Variants in GCNT2 observed in about 807,000 individuals in gnomAD.
GCNT2 encodes glucosaminyl (N-acetyl) transferase 2 (I blood group).
A neutral mutation model predicts 34.2 loss-of-function variants in GCNT2; 34 were observed. That is an observed-to-expected ratio of 1.00 (90% CI 0.76 to 1.32). The LOEUF (loss-of-function observed/expected upper bound fraction) is 1.32, where lower values mean the gene tolerates loss of function less well. Among genes scored for constraint, GCNT2 ranks in the 40% most tolerant of loss-of-function variants. The pLI is 0.00. For synonymous variants in GCNT2, 212 were observed against 188.0 expected (o/e 1.13, Z -1.04); for missense variants, 584 against 489.4 (o/e 1.19, Z -1.82).
In GCNT2 at chr6:10,594,803, A is replaced by G. The variant is rs143813454; in HGVS notation, c.926-26548A>G. 2.3e-3 allele frequency among the ~76,000 whole-genome samples: 351 copies of G among 152,284 alleles called. 4 individuals are homozygous for G. Among genetic ancestry groups the G allele is most frequent in the African/African-American group, 7.7e-3 (319 of 41,566 alleles). On this transcript the variant is annotated intron_variant, in intron 3 of 4. Coordinates refer to ENST00000495262, the MANE Select transcript of GCNT2 (RefSeq NM_145649.5). ...GATGTAGATGTACCCAAAGATGGAT[A>G]GGAGGAAATGTGTAAAGTAAATTGA...
chr6:10,617,747 C>A (rs551791335), intron 3 of GCNT2, among the ~76,000 whole-genome samples: 10 of 114,296 alleles, frequency 8.7e-5, no homozygotes, highest in African/African-American at 4.2e-4. Context: ...GTCTGCATTT[C>A]TTCTTTTTTT....
intron 3 of GCNT2, chr6:10,586,591 G>T (rs776266980): frequency 5.0e-6 from 8 of 1,613,942 alleles, no homozygotes; most frequent in Middle Eastern, 3.3e-4. Context: ...AAAACCAACC[G>T]GGAGATAGTT....
intron 3 of GCNT2, among the ~76,000 whole-genome samples, chr6:10,569,235 C>CACACACACACACACACACACACACACACA (rs1554131675): frequency 4.2e-5 from 2 of 47,464 alleles, no homozygotes; most frequent in Non-Finnish European, 1.0e-4. Context: ...ACTCCCCCCG[C>CACACACACACACACACACACACACACACA]CACACACACA....
chr6:10,546,732 TTTATTTTATTTA>T (rs1477492523), intron 3 of GCNT2, among the ~76,000 whole-genome samples: 1 of 151,904 alleles, frequency 6.6e-6, no homozygotes, highest in Non-Finnish European at 1.5e-5. Context: ...TTTTCAACCT[TTTATTTTATTTA>T]TTATATTTTA....
chr6:10,582,851 A>T (rs1388813005), intron 3 of GCNT2, among the ~76,000 whole-genome samples: 1 of 152,090 alleles, frequency 6.6e-6, no homozygotes, highest in Non-Finnish European at 1.5e-5. Flanking sequence ...AACATCTACC[A>T]GGTGCCCGGA....
At chr6:10,556,874 G>C (rs1300760402) in intron 3 of GCNT2, 1 of 1,614,170 alleles carries the variant, frequency 6.2e-7, no homozygotes, top group East Asian at 2.2e-5. Context: ...CGCTTTTCTG[G>C]CTTCCAAGAT....
chr6:10,556,071 A>G, intron 3 of GCNT2: 1 of 1,181,516 alleles, frequency 8.5e-7, no homozygotes, highest in South Asian at 1.8e-5. Context: ...TGAAAGAAAG[A>G]GATATGGGAA....
At chr6:10,618,104 T>G (rs1284743840) in intron 3 of GCNT2, among the ~76,000 whole-genome samples, 3 of 152,140 alleles carry the variant, frequency 2.0e-5, no homozygotes, top group Non-Finnish European at 4.4e-5. Context: ...GCCCCTACTC[T>G]TAAGAGCCAC....
At chr6:10,552,541 GTT>G (rs1762530523) in intron 3 of GCNT2, among the ~76,000 whole-genome samples, 2 of 151,622 alleles carry the variant, frequency 1.3e-5, no homozygotes, top group South Asian at 4.2e-4. Context: ...CATAACAACT[GTT>G]TACATAGCAT....
rs995696553 is a variant in GCNT2, at chr6:10,601,890, G to A, written c.926-19461G>A. On this transcript the variant is annotated intron_variant, in intron 3 of 4. Coordinates refer to ENST00000495262, the MANE Select transcript of GCNT2 (RefSeq NM_145649.5). ...CGAGAGGCGGAGCTTGCAGTGAGCT[G>A]AGATCATGCCACTGCACTCCAGCCT... Among the ~76,000 whole-genome samples, 5 of 147,706 alleles carry A rather than the reference G, an allele frequency of 3.4e-5. No homozygotes were observed. In the East Asian group the frequency reaches 6.1e-4, roughly 18 times the overall value.
chr6:10,535,340 G>A (rs1021357384), intron 3 of GCNT2, among the ~76,000 whole-genome samples: 13 of 152,192 alleles, frequency 8.5e-5, no homozygotes, highest in Admixed American at 6.5e-5. Flanking sequence ...AGATGTCCAA[G>A]AAGCCTCACT....
At chr6:10,614,625 CAAAAAAAA>C (rs34015959) in intron 3 of GCNT2, among the ~76,000 whole-genome samples, 5 of 105,990 alleles carry the variant, frequency 4.7e-5, no homozygotes, top group Admixed American at 2.9e-4. Flanking sequence ...GACTCTGTCT[CAAAAAAAA>C]AAAAAAAAAA....
chr6:10,602,929 G>A (rs1204402813), intron 3 of GCNT2, among the ~76,000 whole-genome samples: 1 of 152,180 alleles, frequency 6.6e-6, no homozygotes, highest in Non-Finnish European at 1.5e-5. Flanking sequence ...CCTGCTGTGA[G>A]AGGCAAATCA....
intron 3 of GCNT2, among the ~76,000 whole-genome samples, chr6:10,587,972 C>T (rs1764432275): frequency 6.6e-6 from 1 of 152,180 alleles, no homozygotes; most frequent in Non-Finnish European, 1.5e-5. Flanking sequence ...ACTCCCAGCT[C>T]TTATGTCTAG....
intron 3 of GCNT2, among the ~76,000 whole-genome samples, chr6:10,549,054 G>A (rs1273984010): frequency 5.9e-5 from 9 of 152,220 alleles, no homozygotes; most frequent in Admixed American, 5.2e-4. Flanking sequence ...ACCGCGCCCA[G>A]CGTGAAGACA....
At chr6:10,593,428 T>TCTGGGCTCAAGTAATCCTC (rs1424958435) in intron 3 of GCNT2, among the ~76,000 whole-genome samples, 1 of 152,092 alleles carries the variant, frequency 6.6e-6, no homozygotes, top group Admixed American at 6.6e-5. Flanking sequence ...GCCTCAGCCT[T>TCTGGGCTCAAGTAATCCTC]CTGGGCTCAA....
At chr6:10,572,854 A>G (rs1413684575) in intron 3 of GCNT2, among the ~76,000 whole-genome samples, 1 of 152,270 alleles carries the variant, frequency 6.6e-6, no homozygotes, top group African/African-American at 2.4e-5. Context: ...AGTTAGGTAC[A>G]AACACAGGAT....
At chr6:10,583,627 A>G (rs1764217919) in intron 3 of GCNT2, among the ~76,000 whole-genome samples, 1 of 152,124 alleles carries the variant, frequency 6.6e-6, no homozygotes, top group African/African-American at 2.4e-5. Context: ...CCTGAATTAC[A>G]CTGGCTGATA....
intron 3 of GCNT2, among the ~76,000 whole-genome samples, chr6:10,604,281 G>A (rs924739384): frequency 6.6e-6 from 1 of 152,074 alleles, no homozygotes; most frequent in East Asian, 1.9e-4. Context: ...GTACTTTAAT[G>A]TATTATTTGA....
Sources: gnomAD v4.1 joint callset for allele counts (sites outside exome capture counted in the v4.1 genomes callset) on GRCh38, gnomAD v4.1.1 for gene constraint, MANE v1.5 for transcripts, NCBI Gene and HGNC (gene_info 2026-07-23, HGNC 2026-07-21) for gene names.